The following FRMD4A variants were observed in gnomAD, a reference collection of about 807,000 sequenced individuals.
FRMD4A encodes the protein FERM domain-containing protein 4A.
Under a neutral mutation model 129.1 loss-of-function variants are expected in FRMD4A, and 29 were observed. The ratio of observed to expected loss-of-function variants is 0.22; its 90% CI spans 0.17 to 0.31. The LOEUF is 0.31. Among genes scored for constraint, FRMD4A ranks in the 10% least tolerant of loss-of-function variants. The pLI is 1.00. For synonymous variants in FRMD4A, 634 were observed against 571.6 expected (o/e 1.11, Z -1.56); for missense variants, 1,272 against 1,375.8 (o/e 0.92, Z 1.19).
chr10:14,276,534 C>T (rs961120900), intron 2 of FRMD4A, among the ~76,000 whole-genome samples: 8 of 152,238 alleles, frequency 5.3e-5, no homozygotes, highest in Non-Finnish European at 1.0e-4. Context: ...TCAGGAACTC[C>T]GTGTCCCCAT....
chr10:13,733,731 G>C (rs901315508), intron 12 of FRMD4A, among the ~76,000 whole-genome samples: 2 of 152,154 alleles, frequency 1.3e-5, no homozygotes, highest in African/African-American at 4.8e-5. Flanking sequence ...CTGGCCAAAG[G>C]CCTGTTCTTA....
At chr10:14,228,348 G>C (rs1843519246) in intron 2 of FRMD4A, among the ~76,000 whole-genome samples, 1 of 152,076 alleles carries the variant, frequency 6.6e-6, no homozygotes, top group African/African-American at 2.4e-5. Context: ...CACTTGATTG[G>C]GACCATCCAG....
Position 14,185,467 on chromosome 10 carries a change from A to AAACATTAC in FRMD4A, c.45+144583_45+144590dup, listed in dbSNP as rs1401269073. On this transcript the variant is annotated intron_variant, in intron 2 of 24. Coordinates refer to ENST00000357447, the MANE Select transcript of FRMD4A (RefSeq NM_018027.5). ...ATGTCGTGGCAGAAATTAGTACAAA[A>AAACATTAC]AACATTACAACATTTTGTAATTTTT... Among the ~76,000 whole-genome samples the AAACATTAC allele has an allele frequency of 2.0e-5, 3 of 152,256 alleles. No individual in the cohort carries two copies. In the East Asian group the frequency reaches 5.8e-4, roughly 29 times the overall value.
At chr10:14,082,741 C>T (rs1836002237) in intron 2 of FRMD4A, among the ~76,000 whole-genome samples, 1 of 152,154 alleles carries the variant, frequency 6.6e-6, no homozygotes, top group Non-Finnish European at 1.5e-5. Flanking sequence ...AGTCATCCCT[C>T]CCATGGCATT....
chr10:14,054,222 G>A (rs1321803295), intron 2 of FRMD4A, among the ~76,000 whole-genome samples: 1 of 152,094 alleles, frequency 6.6e-6, no homozygotes, highest in Non-Finnish European at 1.5e-5. Context: ...TCTTCAGCAT[G>A]CTCTGAAACA....
chr10:13,819,678 T>C (rs1353004967), intron 3 of FRMD4A, among the ~76,000 whole-genome samples: 1 of 151,150 alleles, frequency 6.6e-6, no homozygotes, highest in East Asian at 1.9e-4. Flanking sequence ...TGGTGGGCTC[T>C]AAGTGCCATT....
chr10:13,922,564 T>G (rs1401970286), intron 2 of FRMD4A, among the ~76,000 whole-genome samples: 1 of 152,226 alleles, frequency 6.6e-6, no homozygotes, highest in Non-Finnish European at 1.5e-5. Context: ...ATGAGGTAAG[T>G]GCAGTCTGCT....
At chr10:14,135,482 G>A (rs777510520) in intron 2 of FRMD4A, among the ~76,000 whole-genome samples, 5 of 152,160 alleles carry the variant, frequency 3.3e-5, no homozygotes, top group Non-Finnish European at 7.3e-5. Context: ...ATGTGGCTGC[G>A]TTGGAGTCTC....
At chr10:13,784,348 A>C (rs2092804776) in intron 5 of FRMD4A, among the ~76,000 whole-genome samples, 1 of 152,198 alleles carries the variant, frequency 6.6e-6, no homozygotes, top group Non-Finnish European at 1.5e-5. Context: ...CTACCTAAGA[A>C]GTCCACTGGT....
intron 2 of FRMD4A, among the ~76,000 whole-genome samples, chr10:14,104,809 C>A (rs757174766): frequency 5.3e-5 from 8 of 152,218 alleles, no homozygotes; most frequent in Non-Finnish European, 1.2e-4. Flanking sequence ...GTGGTTCTCC[C>A]ATCCAGGGAA....
chr10:14,232,875 A>G (rs1426327806), intron 2 of FRMD4A, among the ~76,000 whole-genome samples: 3 of 152,164 alleles, frequency 2.0e-5, no homozygotes, highest in Non-Finnish European at 4.4e-5. Context: ...GCAAAGAGAG[A>G]TAGTTTGGCT....
chr10:13,716,014 C>T (rs1318044799), intron 12 of FRMD4A, among the ~76,000 whole-genome samples: 2 of 151,474 alleles, frequency 1.3e-5, no homozygotes, highest in African/African-American at 4.9e-5. Context: ...ATACTTTGAA[C>T]ACATATCAGC....
At chr10:13,998,957 G>A (rs1350971845) in intron 2 of FRMD4A, among the ~76,000 whole-genome samples, 1 of 152,060 alleles carries the variant, frequency 6.6e-6, no homozygotes, top group Non-Finnish European at 1.5e-5. Context: ...TGCACAGCCT[G>A]TGCCAGCTGG....
Position 13,796,893 on chromosome 10 carries a change from T to C in FRMD4A, c.207-305A>G, listed in dbSNP as rs560114709. Reference sequence around the variant, plus strand: ...AGCCACCATGCCCGGCTAATTTTTGTATTTTTGGTAGAGACGGGGTTTCAC... The same window carrying C: ...AGCCACCATGCCCGGCTAATTTTTGCATTTTTGGTAGAGACGGGGTTTCAC... On this transcript the variant is annotated intron_variant, in intron 4 of 24. Transcript: ENST00000357447. Among the ~76,000 whole-genome samples the C allele has an allele frequency of 1.3e-4, 20 of 152,200 alleles. No homozygotes were observed. The East Asian group carries it at 2.9e-3, about 22-fold the overall frequency.
intron 2 of FRMD4A, among the ~76,000 whole-genome samples, chr10:14,271,416 C>T (rs1263024918): frequency 2.0e-5 from 3 of 152,214 alleles, no homozygotes; most frequent in Non-Finnish European, 4.4e-5. Context: ...AGGGCACTCA[C>T]ATACAAACCC....
At chr10:14,296,442 C>A (rs1000759297) in intron 2 of FRMD4A, among the ~76,000 whole-genome samples, 7 of 152,162 alleles carry the variant, frequency 4.6e-5, no homozygotes, top group Non-Finnish European at 8.8e-5. Flanking sequence ...CTGGGCCTGT[C>A]CTTCCAGTGG....
intron 2 of FRMD4A, among the ~76,000 whole-genome samples, chr10:13,992,678 G>T (rs111309257): frequency 0.36 from 54,209 of 152,010 alleles, 12,137 homozygotes; most frequent in Non-Finnish European, 0.5. Context: ...TGTAGGCCAG[G>T]CATGGTGGCT....
chr10:14,163,182 C>T (rs550771910), intron 2 of FRMD4A, among the ~76,000 whole-genome samples: 33 of 152,200 alleles, frequency 2.2e-4, no homozygotes, highest in Non-Finnish European at 4.3e-4. Context: ...GTATCCTACA[C>T]TGTATTTTTA....
chr10:14,037,020 A>G (rs549596955), intron 2 of FRMD4A, among the ~76,000 whole-genome samples: 1 of 152,368 alleles, frequency 6.6e-6, no homozygotes, highest in African/African-American at 2.4e-5. Context: ...ACAAAAAGTT[A>G]ATTTCTCTTA....
Sources: allele counts gnomAD v4.1 joint callset (sites outside exome capture counted in the v4.1 genomes callset), GRCh38; gene constraint gnomAD v4.1.1; transcripts MANE v1.5; gene names NCBI Gene and HGNC (gene_info 2026-07-23, HGNC 2026-07-21).